P4HTM: variants seen among roughly 807,000 people sequenced by gnomAD.
P4HTM encodes the protein transmembrane prolyl 4-hydroxylase.
In P4HTM, 33 loss-of-function variants were observed where a neutral mutation model predicts 55.3. That is an observed-to-expected ratio of 0.60 (90% CI 0.45 to 0.80). The LOEUF (loss-of-function observed/expected upper bound fraction) is 0.80, where lower values mean the gene tolerates loss of function less well. Among genes scored for constraint, P4HTM ranks in the 30% least tolerant of loss-of-function variants. The probability of loss-of-function intolerance (pLI) is 0.00; values close to 1 mark genes in which losing one functional copy is unlikely to be tolerated. For missense variants in P4HTM, 542 were observed against 696.5 expected (o/e 0.78, Z 2.50); for synonymous variants, 272 against 286.4 (o/e 0.95, Z 0.51).
chr3:49,002,863 C>G lies in P4HTM; in HGVS notation c.724+267C>G, dbSNP rs1000043222. 6 of 526,082 alleles carry G rather than the reference C, an allele frequency of 1.1e-5. No individual in the cohort carries two copies. In the Admixed American group the frequency reaches 1.4e-4, roughly 12 times the overall value. The allele number at this position is 526,082 out of a possible 1,614,324, so 32.6% of individuals were successfully genotyped here. On this transcript the variant is annotated intron_variant, in intron 4 of 8. Coordinates refer to ENST00000383729, the MANE Select transcript of P4HTM (RefSeq NM_177939.3). The surrounding 1 kb of genome is among the most constrained non-coding windows in gnomAD (Gnocchi z 4.4). ...GATAACATCAGGCAGAGTTGAGAGC[C>G]TGGGGACAGGAAGTAGGGCTGCTAG... is the stretch of plus-strand genomic sequence containing the variant.
In P4HTM at chr3:48,995,686, C is replaced by T. The variant is rs546617611; in HGVS notation, c.436+4772C>T. 1.3e-4 allele frequency among the ~76,000 whole-genome samples: 20 copies of T among 152,088 alleles called. 1 individual carries two copies. In the South Asian group the frequency reaches 4.2e-3, roughly 32 times the overall value. ...CAACCTCCGCCTCCTGGGCTCAAGCCATTCTCCTCCTGCCTGAGCCTCCTG... is the reference window on the plus strand; with the variant it reads ...CAACCTCCGCCTCCTGGGCTCAAGCTATTCTCCTCCTGCCTGAGCCTCCTG... On this transcript the variant is annotated intron_variant, in intron 2 of 8. Transcript: ENST00000383729.
rs2092960205 is a variant in P4HTM, at chr3:49,001,250, A to G, written c.437-188A>G. The G allele has an allele frequency of 4.8e-6, 3 of 628,904 alleles. No individual in the cohort carries two copies. The Admixed American group carries it at 7.1e-5, about 15-fold the overall frequency. 39.0% of individuals were successfully genotyped at this position (628,904 alleles called of 1,614,324 possible). The stretch of plus-strand genomic sequence containing the variant: ...AGAGAGGTCCCACATTTCCAACGCC[A>G]GCCAGCCTTTGCAGGACAACTCAAT... On this transcript the variant is annotated intron_variant, in intron 2 of 8. Transcript: ENST00000383729.
chr3:49,004,659 CTG>C, intron 5 of P4HTM, 200 bp from the exon 6 acceptor site: 1 of 605,354 alleles, frequency 1.7e-6, no homozygotes, highest in East Asian at 2.8e-5. Flanking sequence ...GCAGGTGTCT[CTG>C]TCTTTGGCAT....
At chr3:49,004,345 G>A (rs1249210601) in intron 5 of P4HTM, 85 bp downstream of exon 5, 15 of 1,302,242 alleles carry the variant, frequency 1.2e-5, no homozygotes, top group Non-Finnish European at 1.5e-5. Context: ...GGGCCAAGAG[G>A]ACAGAATGGA....
chr3:48,990,791 C>A lies in P4HTM; in HGVS notation c.355-42C>A, dbSNP rs772433610. The A allele has an allele frequency of 3.8e-5, 61 of 1,587,848 alleles. No homozygotes were observed. The highest frequency in any genetic ancestry group is 4.9e-5 in the Non-Finnish European group (57 of 1,158,324). Reference sequence around the variant, plus strand: ...GCGACTTGGCCCTTCTTGGGCAGCGCGGTCTGGCGCCCCAGCTGCCCGCTG... The same window carrying A: ...GCGACTTGGCCCTTCTTGGGCAGCGAGGTCTGGCGCCCCAGCTGCCCGCTG... On this transcript the variant is annotated intron_variant, in intron 1 of 8. Transcript: ENST00000383729. This position sits in a 1 kb window ranked among gnomAD's most constrained non-coding sequence, Gnocchi z 7.2.
At position 49,006,109 on chromosome 3, in the gene P4HTM, T is replaced by C. The variant is rs764871844; in HGVS notation, c.1210T>C (p.Cys404Arg). The C allele has an allele frequency of 6.2e-7, 1 of 1,612,974 alleles. No homozygotes were observed. The highest frequency in any genetic ancestry group is 8.5e-7 in the Non-Finnish European group (1 of 1,179,908). The change falls in exon 8 of 9, where the codon TGT becomes CGT. Residue 404 changes from cysteine to arginine, a missense_variant. By Grantham distance (180) the Cys-to-Arg change is radical. Coordinates refer to ENST00000383729, the MANE Select transcript of P4HTM (RefSeq NM_177939.3). The stretch of plus-strand genomic sequence containing the variant: ...GGACCTCCGTGACACACGGAGGCAC[T>C]GTGACAAGGGAAACCTGCGTGTCAA... ...DVDLRDTRRH[C>R]DKGNLRVKPQ... is the part of the protein sequence containing the mutation.
At chr3:49,006,232 C>T in intron 8 of P4HTM, 45 bp downstream of exon 8, 1 of 1,583,666 alleles carries the variant, frequency 6.3e-7, no homozygotes, top group Non-Finnish European at 8.6e-7. Flanking sequence ...CTGAGTACAG[C>T]TTCCCTTTAC....
intron 2 of P4HTM, among the ~76,000 whole-genome samples, chr3:48,995,340 A>T (rs1576603869): frequency 6.6e-6 from 1 of 152,218 alleles, no homozygotes; most frequent in East Asian, 1.9e-4. Context: ...CAGCTCCAGC[A>T]GGCCTCTGCT....
At chr3:49,004,825 C>A in intron 5 of P4HTM, 36 bp from the exon 6 acceptor site, 2 of 1,576,286 alleles carry the variant, frequency 1.3e-6, no homozygotes, top group Non-Finnish European at 1.7e-6. Flanking sequence ...ACCACCTTGC[C>A]TGGGGCTGCC....
chr3:48,990,408 A>G lies in P4HTM; in HGVS notation c.152A>G (p.Lys51Arg). 1 of 1,602,334 alleles carries G rather than the reference A, an allele frequency of 6.2e-7. No homozygotes were observed. The highest frequency in any genetic ancestry group is 8.5e-7 in the Non-Finnish European group (1 of 1,178,090). The part of the protein sequence containing the change: ...GEDAPVRPLC[K>R]PRGICSRAYF... ...GACGCACCGGTGCGTCCGCTGTGCAAGCCCCGCGGCATCTGCTCGCGCGCC... is the reference window on the plus strand; with the variant it reads ...GACGCACCGGTGCGTCCGCTGTGCAGGCCCCGCGGCATCTGCTCGCGCGCC... Residue 51 changes from lysine to arginine, a missense_variant, in exon 1 of 9, where the codon AAG (lysine) becomes AGG (arginine). Around this residue, in one of 2 missense-constraint regions of P4HTM, gnomAD observed 536 missense variants for 672.1 expected, o/e 0.80. Transcript: ENST00000383729. The surrounding 1 kb of genome is among the most constrained non-coding windows in gnomAD (Gnocchi z 7.2).
intron 6 of P4HTM, chr3:49,005,418 T>G: frequency 7.2e-7 from 1 of 1,398,150 alleles, no homozygotes; most frequent in Non-Finnish European, 9.2e-7. Context: ...TCAAGCCAGT[T>G]CTTTCCTCTT....
At chr3:49,004,315 T>A in intron 5 of P4HTM, 55 bp downstream of exon 5, 1 of 1,457,132 alleles carries the variant, frequency 6.9e-7, no homozygotes, top group Non-Finnish European at 9.2e-7. Context: ...GGGCAGGGCC[T>A]CCACAGAAGT....
Position 48,990,914 on chromosome 3 carries a change from G to C in P4HTM, c.436G>C (p.Glu146Gln). The C allele has an allele frequency of 6.2e-7, 1 of 1,613,040 alleles. No individual in the cohort carries two copies. Among genetic ancestry groups the C allele is most frequent in the Non-Finnish European group, 8.5e-7 (1 of 1,179,250 alleles). Reference sequence around the variant, plus strand: ...CCTCAGCCTCAAGCCGCTGCTCTTCGGTAAGTCCGCCAGATACTCCTGGGA... The same window carrying C: ...CCTCAGCCTCAAGCCGCTGCTCTTCCGTAAGTCCGCCAGATACTCCTGGGA... ...RTLSLKPLLF[E>Q]IPGFLTDEEC... The change falls in exon 2 of 9, where the codon GAA (glutamate) becomes CAA (glutamine). Residue 146 changes from glutamate (E) to glutamine (Q), a missense_variant and splice_region_variant. Transcript: ENST00000383729. This position sits in a 1 kb window ranked among gnomAD's most constrained non-coding sequence, Gnocchi z 7.2.
At chr3:48,996,922 G>A (rs909197489) in intron 2 of P4HTM, among the ~76,000 whole-genome samples, 4 of 152,146 alleles carry the variant, frequency 2.6e-5, no homozygotes, top group Admixed American at 2.6e-4. Context: ...TCCTAGGCCT[G>A]GGAAGGACAG....
rs753460265 is a variant in P4HTM, at chr3:49,004,950, A to T, written c.977A>T (p.His326Leu). The change falls in exon 6 of 9, where the codon CAT becomes CTT. Residue 326 changes from histidine (H) to leucine (L), a missense_variant. By Grantham distance (99) the His-to-Leu change is moderately conservative (BLOSUM62 -3). This residue lies in a region of P4HTM where 536 missense variants were observed against 672.1 expected (regional missense o/e 0.80). Transcript: ENST00000383729. ...CGATATGGTGAGGGGGGCCACTACC[A>T]TGCCCACGTGGACAGTGGGCCTGTG... ...VVRYGEGGHY[H>L]AHVDSGPVYP... 2.0e-5 allele frequency: 33 copies of T among 1,613,984 alleles called. No individual in the cohort carries two copies. The highest frequency in any genetic ancestry group is 1.8e-5 in the Non-Finnish European group (21 of 1,179,992).
At position 48,990,546 on chromosome 3, in the gene P4HTM, A is replaced by G. The variant is rs2092927744; in HGVS notation, c.290A>G (p.His97Arg). 6.2e-7 allele frequency: 1 copy of G among 1,609,866 alleles called. No individual in the cohort carries two copies. The highest frequency in any genetic ancestry group is 8.5e-7 in the Non-Finnish European group (1 of 1,178,980). The change falls in exon 1 of 9, where the codon CAC becomes CGC. Residue 97 changes from histidine (H) to arginine (R), a missense_variant. This residue lies in a region of P4HTM where 536 missense variants were observed against 672.1 expected (regional missense o/e 0.80). Transcript: ENST00000383729. This position sits in a 1 kb window ranked among gnomAD's most constrained non-coding sequence, Gnocchi z 7.2. ...GAAAGCAGCGATCCCGGGCCCCAAC[A>G]CCGTGCCCAGGGCCCCGGGCCCGAG... ...GDESSDPGPQ[H>R]RAQGPGPEPT... is the part of the protein sequence containing the mutation.
At chr3:48,995,162 C>A (rs2092941984) in intron 2 of P4HTM, among the ~76,000 whole-genome samples, 1 of 152,148 alleles carries the variant, frequency 6.6e-6, no homozygotes, top group Non-Finnish European at 1.5e-5. Context: ...TCATTTGATG[C>A]CTAAAAGCCC....
Position 49,001,731 on chromosome 3 carries a change from G to C in P4HTM, c.627+103G>C, listed in dbSNP as rs1442463052. The C allele has an allele frequency of 3.8e-6, 4 of 1,043,056 alleles. No individual in the cohort carries two copies. The Admixed American group carries it at 8.8e-5, about 23-fold the overall frequency. The allele number at this position is 1,043,056 out of a possible 1,614,324, so 64.6% of individuals were successfully genotyped here. ...AGCCCAGGCCTGGTCCCAAAAGTCA[G>C]ATACTACCCAGACCTGCCTGGGCAT... On this transcript the variant is annotated intron_variant, in intron 3 of 8. Coordinates refer to ENST00000383729, the MANE Select transcript of P4HTM (RefSeq NM_177939.3).
intron 8 of P4HTM, among the ~76,000 whole-genome samples, chr3:49,006,427 TTGGGACACA>T (rs1351521337): frequency 6.6e-6 from 1 of 152,236 alleles, no homozygotes; most frequent in Non-Finnish European, 1.5e-5. Flanking sequence ...TCCCTGGGGC[TTGGGACACA>T]TGTCCCTTGC....
Sources: allele counts gnomAD v4.1 joint callset (sites outside exome capture counted in the v4.1 genomes callset), GRCh38; gene constraint gnomAD v4.1.1; regional missense constraint gnomAD v4.1.1; non-coding constraint Gnocchi (gnomAD v3.1); transcripts MANE v1.5; gene names NCBI Gene and HGNC (gene_info 2026-07-23, HGNC 2026-07-21).